The following TSGA10 variants were observed in gnomAD, a reference collection of about 807,000 sequenced individuals.
TSGA10 encodes testis specific 10, also known as testis-specific gene 10 protein.
Under a neutral mutation model 96.6 loss-of-function variants are expected in TSGA10, and 43 were observed. That is an observed-to-expected ratio of 0.44 (90% CI 0.35 to 0.57). The LOEUF is 0.57. TSGA10 is among the 20% of genes least tolerant of loss of function. The probability of loss-of-function intolerance (pLI) is 0.01; values close to 1 mark genes in which losing one functional copy is unlikely to be tolerated. For synonymous variants in TSGA10, 229 were observed against 269.9 expected, an observed-to-expected ratio of 0.85 and a Z score of 1.48; for missense variants, 703 against 834.4, an observed-to-expected ratio of 0.84 and a Z score of 1.94.
chr2:99,150,768 GA>G (rs2093685525), intron 1 of TSGA10: 1 of 1,613,616 alleles, frequency 6.2e-7, no homozygotes. Flanking sequence ...CTCTTTCTGG[GA>G]AAGCCTTGGG....
rs552514017 is a variant in TSGA10, at chr2:99,061,073, G to C, written c.1404+3866C>G. ...TGGTAAACTGGACTTCATCAAAAAT[G>C]TAAAACTTCTGCTCTTAGAATGATT... On this transcript the variant is annotated intron_variant, in intron 16 of 20. Coordinates refer to ENST00000393483, the MANE Select transcript of TSGA10 (RefSeq NM_025244.4). 1.1e-4 allele frequency among the ~76,000 whole-genome samples: 17 copies of C among 152,284 alleles called. No homozygotes were observed. The East Asian group carries it at 3.1e-3, about 28-fold the overall frequency.
chr2:99,023,819 A>AG (rs2080272062), intron 17 of TSGA10, among the ~76,000 whole-genome samples: 2 of 152,176 alleles, frequency 1.3e-5, no homozygotes, highest in African/African-American at 4.8e-5. Context: ...TTTTGAAATC[A>AG]GGGAAGTGTG....
Position 99,073,043 on chromosome 2 carries a change from T to C in TSGA10, c.913A>G (p.Ile305Val). 1 of 1,608,940 alleles carries C rather than the reference T, an allele frequency of 6.2e-7. No individual in the cohort carries two copies. Among genetic ancestry groups the C allele is most frequent in the Non-Finnish European group, 8.5e-7 (1 of 1,176,486 alleles). Residue 305 changes from isoleucine (I) to valine (V), a missense_variant, in exon 13 of 21, where the codon ATT (isoleucine) becomes GTT (valine). Ile to Val is a conservative substitution (Grantham distance 29). This residue lies in a region of TSGA10 where 585 missense variants were observed against 656.8 expected (regional missense o/e 0.89). Transcript: ENST00000393483. The part of the protein sequence containing the change: ...EKTISGMKNI[I>V]AEMEQASRQC... The stretch of plus-strand genomic sequence containing the variant: ...CTTGATGCCTGTTCCATCTCAGCAA[T>C]GATATTCTTCATGCCTGAAATGGTC...
rs762749031 is a variant in TSGA10 at position 99,042,708 on chromosome 2, C to CT, written c.1405-7270dup. The stretch of plus-strand genomic sequence containing the variant: ...GGTACTGTCTGCATTGTTTTGTGAG[C>CT]TTTTTTTTTTTTTGAGACGGAGTCT... On this transcript the variant is annotated intron_variant, in intron 16 of 20. Coordinates refer to ENST00000393483, the MANE Select transcript of TSGA10 (RefSeq NM_025244.4). Among the ~76,000 whole-genome samples the CT allele has an allele frequency of 2.5e-3, 367 of 144,500 alleles. 2 individuals carry two copies. Among genetic ancestry groups the CT allele is most frequent in the South Asian group, 4.2e-3 (19 of 4,536 alleles). 94.8% of individuals were successfully genotyped at this position (144,500 alleles called of 152,430 possible).
At chr2:99,102,269 G>T in intron 10 of TSGA10, 1 of 1,612,452 alleles carries the variant, frequency 6.2e-7, no homozygotes, top group Non-Finnish European at 8.5e-7. Context: ...CTTTGGTGAT[G>T]AAGAAAGGAG....
intron 10 of TSGA10, among the ~76,000 whole-genome samples, chr2:99,096,508 T>C (rs1288188461): frequency 6.6e-6 from 1 of 152,254 alleles, no homozygotes; most frequent in Non-Finnish European, 1.5e-5. Context: ...CCTGGCTGCA[T>C]ATCTAGAATC....
chr2:99,001,843 A>G (rs2077948406), intron 20 of TSGA10, among the ~76,000 whole-genome samples: 1 of 152,236 alleles, frequency 6.6e-6, no homozygotes, highest in Non-Finnish European at 1.5e-5. Flanking sequence ...ACGCATGCAC[A>G]AGCTTCAGTA....
chr2:99,144,809 T>C (rs1277855479), intron 1 of TSGA10, among the ~76,000 whole-genome samples: 2 of 152,136 alleles, frequency 1.3e-5, no homozygotes, highest in East Asian at 1.9e-4. Flanking sequence ...CAAAAATTGC[T>C]TCAGGCTGGG....
intron 20 of TSGA10, among the ~76,000 whole-genome samples, chr2:99,015,719 G>A (rs1047896047): frequency 4.6e-5 from 7 of 152,074 alleles, no homozygotes; most frequent in African/African-American, 1.4e-4. Flanking sequence ...GTTCACTGAC[G>A]ATATGATCAT....
chr2:99,007,460 C>T (rs550708878), intron 20 of TSGA10, among the ~76,000 whole-genome samples: 5 of 152,008 alleles, frequency 3.3e-5, no homozygotes, highest in African/African-American at 1.2e-4. Flanking sequence ...GGAGTGGCAA[C>T]ACTAATACCA....
intron 1 of TSGA10, among the ~76,000 whole-genome samples, chr2:99,145,436 G>A (rs2093621761): frequency 1.3e-5 from 2 of 152,126 alleles, no homozygotes; most frequent in African/African-American, 4.8e-5. Flanking sequence ...GCAGGCACCT[G>A]TAATCCCAGC....
intron 17 of TSGA10, among the ~76,000 whole-genome samples, chr2:99,031,771 C>A (rs1234864168): frequency 5.3e-5 from 8 of 152,116 alleles, no homozygotes; most frequent in African/African-American, 1.9e-4. Flanking sequence ...CTGAACTCCA[C>A]CTCCTGTCAG....
At chr2:99,027,152 T>C (rs1163025771) in intron 17 of TSGA10, among the ~76,000 whole-genome samples, 1 of 152,238 alleles carries the variant, frequency 6.6e-6, no homozygotes, top group East Asian at 1.9e-4. Flanking sequence ...GGTACCAGTC[T>C]GTGGTAACAG....
chr2:99,013,599 G>A (rs1201956326), intron 20 of TSGA10, among the ~76,000 whole-genome samples: 1 of 151,628 alleles, frequency 6.6e-6, no homozygotes, highest in Non-Finnish European at 1.5e-5. Flanking sequence ...CCAAAGTGCT[G>A]GGATTACAGG....
rs1288093533 is a variant in TSGA10 at position 99,018,312 on chromosome 2, A to G, written c.1960T>C (p.Ser654Pro). 1.9e-6 allele frequency: 3 copies of G among 1,614,056 alleles called. No individual in the cohort carries two copies. The highest frequency in any genetic ancestry group is 2.2e-5 in the East Asian group (1 of 44,888). Residue 654 changes from serine (S) to proline (P), a missense_variant, in exon 20 of 21, where the codon TCA becomes CCA. Physicochemically the swap from Ser to Pro is moderately conservative, Grantham distance 74. Transcript: ENST00000393483. ...GAACTCATATGATAAGCATTACTTG[A>G]ATAATTTTGGCGGCGAAGTTCTTGT... ...AVQELRRQNY[S>P]SNAYHMSSTM...
intron 17 of TSGA10, 54 bp downstream of exon 17, chr2:99,035,176 A>C (rs909649888): frequency 6.7e-6 from 9 of 1,347,656 alleles, no homozygotes; most frequent in Non-Finnish European, 9.1e-6. Context: ...TTCCAAAATT[A>C]TACTAACTTT....
intron 20 of TSGA10, among the ~76,000 whole-genome samples, chr2:99,015,675 AG>A (rs1038865900): frequency 7.2e-5 from 11 of 152,178 alleles, no homozygotes; most frequent in Admixed American, 6.5e-5. Flanking sequence ...AAACAAATAA[AG>A]GGCACCTAAA....
chr2:99,023,964 C>T (rs563063731), intron 17 of TSGA10, among the ~76,000 whole-genome samples: 36 of 152,278 alleles, frequency 2.4e-4, no homozygotes, highest in Non-Finnish European at 4.6e-4. Flanking sequence ...ATTTGTGGAT[C>T]AGTTTTGGGA....
At chr2:99,142,814 C>T (rs1261754101) in intron 1 of TSGA10, among the ~76,000 whole-genome samples, 1 of 152,052 alleles carries the variant, frequency 6.6e-6, no homozygotes, top group African/African-American at 2.4e-5. Context: ...AAAGAATGTT[C>T]TAAGTTTAAA....
Sources: allele counts gnomAD v4.1 joint callset (sites outside exome capture counted in the v4.1 genomes callset), GRCh38; gene constraint gnomAD v4.1.1; regional missense constraint gnomAD v4.1.1; transcripts MANE v1.5; gene names NCBI Gene and HGNC (gene_info 2026-07-23, HGNC 2026-07-21).